The following TMEM132D variants were observed in gnomAD, a reference collection of about 807,000 sequenced individuals.
TMEM132D encodes mature OL transmembrane protein.
Under a neutral mutation model 62.3 loss-of-function variants are expected in TMEM132D, and 21 were observed. The ratio of observed to expected loss-of-function variants is 0.34; its 90% CI spans 0.24 to 0.49. The LOEUF is 0.49. TMEM132D is among the 20% of genes least tolerant of loss of function. The pLI is 0.99. For synonymous variants in TMEM132D, 621 were observed against 575.6 expected, an observed-to-expected ratio of 1.08 and a Z score of -1.13; for missense variants, 1,346 against 1,402.8, an observed-to-expected ratio of 0.96 and a Z score of 0.65.
chr12:129,890,635 C>T (rs1206451260), intron 1 of TMEM132D, among the ~76,000 whole-genome samples: 1 of 152,206 alleles, frequency 6.6e-6, no homozygotes, highest in Non-Finnish European at 1.5e-5. Flanking sequence ...AAATGTCAGT[C>T]CTTCCTCACA....
At chr12:129,132,884 A>G (rs1383929977) in intron 5 of TMEM132D, among the ~76,000 whole-genome samples, 1 of 152,098 alleles carries the variant, frequency 6.6e-6, no homozygotes, top group Non-Finnish European at 1.5e-5. Flanking sequence ...TCCCTTGGAG[A>G]GAGCTTGCTG....
intron 3 of TMEM132D, among the ~76,000 whole-genome samples, chr12:129,528,431 CAAAAAAAA>C (rs200147997): frequency 1.5e-5 from 2 of 133,202 alleles, no homozygotes; most frequent in Admixed American, 7.5e-5. Context: ...ATGCACACAG[CAAAAAAAA>C]AAAAAAAAAA....
At chr12:129,427,898 T>C (rs1367553284) in intron 3 of TMEM132D, among the ~76,000 whole-genome samples, 1 of 149,486 alleles carries the variant, frequency 6.7e-6, no homozygotes, top group Non-Finnish European at 1.5e-5. Flanking sequence ...TAAGTCCCGC[T>C]GAGTTGATCC....
chr12:129,259,458 G>A (rs1880494912), intron 4 of TMEM132D, among the ~76,000 whole-genome samples: 1 of 152,216 alleles, frequency 6.6e-6, no homozygotes, highest in East Asian at 1.9e-4. Flanking sequence ...GATCAAGGTT[G>A]GAGCACAGTG....
At chr12:129,231,987 C>G (rs929207759) in intron 4 of TMEM132D, among the ~76,000 whole-genome samples, 1 of 152,126 alleles carries the variant, frequency 6.6e-6, no homozygotes, top group Admixed American at 6.6e-5. Context: ...ACACAGGCAC[C>G]AGTATTTCTT....
intron 3 of TMEM132D, among the ~76,000 whole-genome samples, chr12:129,348,129 T>C (rs113049606): frequency 0.015 from 2,334 of 152,248 alleles, 33 homozygotes; most frequent in African/African-American, 0.036. Flanking sequence ...AGTTTAACCA[T>C]AGTGGAAGAC....
At chr12:129,428,712 G>A (rs1872566253) in intron 3 of TMEM132D, among the ~76,000 whole-genome samples, 1 of 152,200 alleles carries the variant, frequency 6.6e-6, no homozygotes, top group South Asian at 2.1e-4. Context: ...TTATGTAAAT[G>A]TGTGTCTTGG....
In TMEM132D at chr12:129,432,295, ATGGATGGATGGATGGATGGATGCT is replaced by A. The variant is rs1293090415; in HGVS notation, c.1116-94502_1116-94479del. 8.6e-3 allele frequency among the ~76,000 whole-genome samples: 303 copies of A among 35,422 alleles called. 2 individuals are homozygous for A. Among genetic ancestry groups the A allele is most frequent in the East Asian group, 0.039 (14 of 362 alleles). The allele number at this position is 35,422 out of a possible 152,430, so 23.2% of individuals were successfully genotyped here. On this transcript the variant is annotated intron_variant, in intron 3 of 8. Transcript: ENST00000422113. ...GATGGATCAATGGATGGATGCTTGG[ATGGATGGATGGATGGATGGATGCT>A]TGGATGGATGGATGGATGGATGGAT...
chr12:129,573,102 T>C (rs747762402), intron 2 of TMEM132D, among the ~76,000 whole-genome samples: 38 of 152,262 alleles, frequency 2.5e-4, no homozygotes, highest in Non-Finnish European at 4.6e-4. Context: ...AGCAGCTCTG[T>C]GTCGTGGTGC....
intron 3 of TMEM132D, among the ~76,000 whole-genome samples, chr12:129,375,105 C>T (rs11060290): frequency 6.6e-6 from 1 of 151,774 alleles, no homozygotes; most frequent in Non-Finnish European, 1.5e-5. Context: ...GCTCCGGGAA[C>T]TTGGGCTGCA....
In TMEM132D at chr12:129,514,722, T is replaced by A. The variant is rs73433693; in HGVS notation, c.1115+16337A>T. 9.3e-3 allele frequency among the ~76,000 whole-genome samples: 1,415 copies of A among 152,324 alleles called. 20 individuals carry two copies. The highest frequency in any genetic ancestry group is 0.032 in the African/African-American group (1,337 of 41,564). On this transcript the variant is annotated intron_variant, in intron 3 of 8. Coordinates refer to ENST00000422113, the MANE Select transcript of TMEM132D (RefSeq NM_133448.3). ...GGAGAGAACGGCTGCAATTTCACTG[T>A]GTGAAATGATCATTGATGTTTAAGA...
intron 1 of TMEM132D, among the ~76,000 whole-genome samples, chr12:129,761,446 G>A (rs914444736): frequency 6.6e-6 from 1 of 152,204 alleles, no homozygotes; most frequent in Non-Finnish European, 1.5e-5. Flanking sequence ...TCGGGAGTCA[G>A]GAAGGAGTTG....
chr12:129,457,450 G>A, intron 3 of TMEM132D, among the ~76,000 whole-genome samples: 1 of 142,868 alleles, frequency 7.0e-6, no homozygotes, highest in Non-Finnish European at 1.5e-5. Context: ...TGGGGTAGGG[G>A]GGAGGGGAGA....
chr12:129,103,050 G>T (rs1353669199), intron 5 of TMEM132D, among the ~76,000 whole-genome samples: 1 of 152,190 alleles, frequency 6.6e-6, no homozygotes, highest in Non-Finnish European at 1.5e-5. Flanking sequence ...GGCAGTTATT[G>T]TCTCTGAGCT....
At chr12:129,205,780 A>G (rs1464552201) in intron 5 of TMEM132D, among the ~76,000 whole-genome samples, 22 of 152,082 alleles carry the variant, frequency 1.4e-4, no homozygotes, top group Admixed American at 1.4e-3. Context: ...AACAATCCTT[A>G]GCAAATTCAA....
At chr12:129,311,332 T>C (rs1368943950) in intron 4 of TMEM132D, among the ~76,000 whole-genome samples, 2 of 151,704 alleles carry the variant, frequency 1.3e-5, no homozygotes, top group African/African-American at 4.8e-5. Context: ...ATGAGCACTT[T>C]AGCAAAGAAC....
chr12:129,309,293 TTTG>T (rs1189866366), intron 4 of TMEM132D, among the ~76,000 whole-genome samples: 1 of 152,198 alleles, frequency 6.6e-6, no homozygotes, highest in African/African-American at 2.4e-5. Flanking sequence ...TGGTGGCATC[TTTG>T]TTGTTGTTGT....
chr12:129,795,915 A>G (rs537312277), intron 1 of TMEM132D, among the ~76,000 whole-genome samples: 3 of 152,120 alleles, frequency 2.0e-5, no homozygotes, highest in Non-Finnish European at 4.4e-5. Context: ...TCTTACTATC[A>G]TTTTTAGATT....
At chr12:129,250,722 G>T (rs1307595606) in intron 4 of TMEM132D, among the ~76,000 whole-genome samples, 4 of 152,192 alleles carry the variant, frequency 2.6e-5, no homozygotes, top group Admixed American at 2.6e-4. Context: ...GGCTGAGTCT[G>T]GGGAGGATGA....
Sources: gnomAD v4.1 joint callset for allele counts (sites outside exome capture counted in the v4.1 genomes callset) on GRCh38, gnomAD v4.1.1 for gene constraint, MANE v1.5 for transcripts, NCBI Gene and HGNC (gene_info 2026-07-23, HGNC 2026-07-21) for gene names.